The following ATP9A variants were observed in gnomAD, a reference collection of about 807,000 sequenced individuals.
ATP9A encodes the protein probable phospholipid-transporting ATPase IIA.
In ATP9A, 52 loss-of-function variants were observed where a neutral mutation model predicts 144.1. That is an observed-to-expected ratio of 0.36 (90% CI 0.29 to 0.45). The LOEUF is 0.45. Ranked by LOEUF, ATP9A falls within the 20% of genes least tolerant of loss-of-function variation. ATP9A has a pLI of 1.00. For missense variants in ATP9A, 947 were observed against 1,392.7 expected, an observed-to-expected ratio of 0.68 and a Z score of 5.09; for synonymous variants, 582 against 557.4, an observed-to-expected ratio of 1.04 and a Z score of -0.62.
intron 27 of ATP9A, among the ~76,000 whole-genome samples, chr20:51,602,777 C>T (rs2077148171): frequency 6.6e-6 from 1 of 152,168 alleles, no homozygotes; most frequent in Admixed American, 6.5e-5. Flanking sequence ...GTTGTTATTG[C>T]CCCTTAAGGA....
rs181798365 is a variant in ATP9A, at chr20:51,617,005, A to T, written c.2415+485T>A. Among the ~76,000 whole-genome samples, 18 of 149,864 alleles carry T rather than the reference A, an allele frequency of 1.2e-4. 2 individuals are homozygous for T. Among genetic ancestry groups the T allele is most frequent in the East Asian group, 3.9e-4 (2 of 5,074 alleles). ...TGCCCAGGCTGGAGTGCAGTGGCGC[A>T]ATCTCGGCTTACTGCAACCTCTGCC... On this transcript the variant is annotated intron_variant, in intron 22 of 27. Coordinates refer to ENST00000338821, the MANE Select transcript of ATP9A (RefSeq NM_006045.3).
chr20:51,696,621 T>C (rs1051084472), intron 5 of ATP9A, among the ~76,000 whole-genome samples: 1 of 151,886 alleles, frequency 6.6e-6, no homozygotes, highest in African/African-American at 2.4e-5. Context: ...AACTGGGGGG[T>C]GTGGGGAGCC....
At chr20:51,738,460 T>C (rs927339275) in intron 1 of ATP9A, among the ~76,000 whole-genome samples, 1 of 151,970 alleles carries the variant, frequency 6.6e-6, no homozygotes, top group Admixed American at 6.5e-5. Flanking sequence ...TCCCAGTACT[T>C]TGGGAGGCCG....
intron 24 of ATP9A, 90 bp from the exon 25 acceptor site, chr20:51,608,716 G>T (rs528390574): frequency 2.5e-6 from 2 of 802,764 alleles, no homozygotes; most frequent in East Asian, 2.5e-5. Flanking sequence ...TCCCAACCAT[G>T]CCTCTAACAA....
intron 15 of ATP9A, among the ~76,000 whole-genome samples, chr20:51,637,547 G>GT (rs2077297627): frequency 6.6e-6 from 1 of 152,092 alleles, no homozygotes; most frequent in African/African-American, 2.4e-5. Context: ...ACGAGATGCT[G>GT]TAAGAGGTGG....
At position 51,694,097 on chromosome 20, in the gene ATP9A, A is replaced by T; in HGVS notation, c.553T>A (p.Cys185Ser). 2 of 1,614,086 alleles carry T rather than the reference A, an allele frequency of 1.2e-6. No individual in the cohort carries two copies. The highest frequency in any genetic ancestry group is 1.7e-6 in the Non-Finnish European group (2 of 1,179,960). ...TCCAGCTGATCCGTCCGCAAGAAGC[A>T]TGACCCTGTGGAAGGAAGTCGGGTG... ...FLRTSEKNGSCFLRTDQLDGE... is the reference protein window; with the variant it reads ...FLRTSEKNGSSFLRTDQLDGE... Residue 185 changes from cysteine to serine, a missense_variant, in exon 7 of 28, where the codon TGC becomes AGC. Cys to Ser is a moderately radical substitution (Grantham distance 112). Coordinates refer to ENST00000338821, the MANE Select transcript of ATP9A (RefSeq NM_006045.3).
chr20:51,634,686 T>C (rs1046853564), intron 15 of ATP9A, among the ~76,000 whole-genome samples: 1 of 151,712 alleles, frequency 6.6e-6, no homozygotes, highest in Non-Finnish European at 1.5e-5. Flanking sequence ...AGAAACCCCA[T>C]CTCTACTAAA....
intron 3 of ATP9A, among the ~76,000 whole-genome samples, chr20:51,723,211 A>G (rs2077697124): frequency 6.6e-6 from 1 of 152,136 alleles, no homozygotes; most frequent in Non-Finnish European, 1.5e-5. Flanking sequence ...GAGGACACAA[A>G]GGCATAAGAA....
chr20:51,610,433 A>G (rs1174567745), intron 23 of ATP9A, among the ~76,000 whole-genome samples: 1 of 152,196 alleles, frequency 6.6e-6, no homozygotes, highest in African/African-American at 2.4e-5. Context: ...CCTAAGCAGC[A>G]AATCTAGGAA....
At chr20:51,724,347 C>T (rs1438273627) in intron 3 of ATP9A, among the ~76,000 whole-genome samples, 1 of 152,042 alleles carries the variant, frequency 6.6e-6, no homozygotes, top group Non-Finnish European at 1.5e-5. Flanking sequence ...TTACATTGGA[C>T]CTCTTTCTGT....
intron 5 of ATP9A, among the ~76,000 whole-genome samples, chr20:51,697,072 T>G (rs2077573520): frequency 6.6e-6 from 1 of 152,232 alleles, no homozygotes; most frequent in Admixed American, 6.5e-5. Context: ...GTAAATTAGA[T>G]AAATATTTTA....
At chr20:51,750,061 G>A (rs1036484018) in intron 1 of ATP9A, among the ~76,000 whole-genome samples, 14 of 152,168 alleles carry the variant, frequency 9.2e-5, no homozygotes, top group South Asian at 2.1e-4. Context: ...AGGCTGAGGC[G>A]GGAGAATTGC....
At chr20:51,767,723 G>A (rs1195754022) in intron 1 of ATP9A, among the ~76,000 whole-genome samples, 3 of 152,096 alleles carry the variant, frequency 2.0e-5, no homozygotes, top group Non-Finnish European at 4.4e-5. Flanking sequence ...ACCCTCCTGC[G>A]ACTGCTGGTT....
intron 1 of ATP9A, among the ~76,000 whole-genome samples, chr20:51,755,527 G>A (rs1299990179): frequency 1.3e-5 from 2 of 152,176 alleles, no homozygotes; most frequent in Non-Finnish European, 2.9e-5. Flanking sequence ...TGTTGATGAG[G>A]ACATGGAACA....
At chr20:51,739,613 G>A (rs557711259) in intron 1 of ATP9A, among the ~76,000 whole-genome samples, 1 of 152,112 alleles carries the variant, frequency 6.6e-6, no homozygotes, top group African/African-American at 2.4e-5. Context: ...CTTTAATCAT[G>A]GTTGTAAAAG....
intron 26 of ATP9A, among the ~76,000 whole-genome samples, chr20:51,606,649 C>T (rs949105036): frequency 2.6e-5 from 4 of 152,332 alleles, no homozygotes; most frequent in African/African-American, 9.6e-5. Flanking sequence ...ACAGGATCCA[C>T]AGCACAGCAT....
At chr20:51,626,631 G>A (rs573882110) in intron 17 of ATP9A, among the ~76,000 whole-genome samples, 2 of 151,700 alleles carry the variant, frequency 1.3e-5, no homozygotes, top group Admixed American at 1.3e-4. Flanking sequence ...GCAGCATAGC[G>A]AGACCCCGTC....
chr20:51,725,975 T>C (rs772065622), intron 2 of ATP9A, 43 bp from the exon 3 acceptor site: 2 of 1,111,070 alleles, frequency 1.8e-6, no homozygotes, highest in East Asian at 2.3e-5. Context: ...TCAGGGCTTG[T>C]CTGATGAGAT....
rs566664953 is a variant in ATP9A, at chr20:51,686,941, T to TA, written c.799+2122dup. On this transcript the variant is annotated intron_variant, in intron 9 of 27. Coordinates refer to ENST00000338821, the MANE Select transcript of ATP9A (RefSeq NM_006045.3). ...CAGAGGGACTCTTTTTTTTTTTTTT[T>TA]AAGCCAACTAGTAACTTACAAAGAA... is the stretch of plus-strand genomic sequence containing the variant. Among the ~76,000 whole-genome samples, 324 of 150,590 alleles carry TA rather than the reference T, an allele frequency of 2.2e-3. 1 individual carries two copies. Among genetic ancestry groups the TA allele is most frequent in the African/African-American group, 7.5e-3 (309 of 40,934 alleles).
Sources: gnomAD v4.1 joint callset for allele counts (sites outside exome capture counted in the v4.1 genomes callset) on GRCh38, gnomAD v4.1.1 for gene constraint, MANE v1.5 for transcripts, NCBI Gene and HGNC (gene_info 2026-07-23, HGNC 2026-07-21) for gene names.